The following CEP164 variants were observed in gnomAD, a reference collection of about 807,000 sequenced individuals.
CEP164 encodes centrosomal protein of 164 kDa.
In CEP164, 162 loss-of-function variants were observed where a neutral mutation model predicts 182.7. That is an observed-to-expected ratio of 0.89 (90% CI 0.78 to 1.01). The LOEUF (loss-of-function observed/expected upper bound fraction) is 1.01. CEP164 is among the 50% of genes least tolerant of loss of function. The pLI is 0.00. For synonymous variants in CEP164, 661 were observed against 690.0 expected, an observed-to-expected ratio of 0.96 and a Z score of 0.66; for missense variants, 1,735 against 1,790.4, an observed-to-expected ratio of 0.97 and a Z score of 0.56.
At chr11:117,355,911 C>A in intron 5 of CEP164, 1 of 1,047,760 alleles carries the variant, frequency 9.5e-7, no homozygotes, top group South Asian at 3.2e-5. Context: ...CCCGAGGAGC[C>A]TCCTGCCAGT....
chr11:117,374,534 G>A (rs917025532), intron 10 of CEP164, among the ~76,000 whole-genome samples: 3 of 152,300 alleles, frequency 2.0e-5, no homozygotes, highest in African/African-American at 7.2e-5. Flanking sequence ...GAAGCTGTGT[G>A]TGCTCGCCTC....
At chr11:117,396,006 C>A (rs693181) in intron 24 of CEP164, 48 bp from the exon 25 acceptor site, 33 of 1,611,702 alleles carry the variant, frequency 2.0e-5, no homozygotes, top group East Asian at 8.9e-5. Context: ...ACCCCTCCCC[C>A]CCATCGCCAG....
In CEP164 at chr11:117,373,777, G is replaced by A; in HGVS notation, c.1179G>A (p.Lys393=). The change falls in exon 10 of 33, where the codon AAG becomes AAA. Residue 393 remains lysine (K), a synonymous_variant. Transcript: ENST00000278935. Reference sequence around the variant, plus strand: ...AACTGGAAATTAGTGAACACATGAAGGAACCACAGCTCTCAGACTCCATAG... The same window carrying A: ...AACTGGAAATTAGTGAACACATGAAAGAACCACAGCTCTCAGACTCCATAG... ...SQELEISEHM[K]EPQLSDSIAS... 1 of 1,614,150 alleles carries A rather than the reference G, an allele frequency of 6.2e-7. No individual in the cohort carries two copies. Among genetic ancestry groups the A allele is most frequent in the Non-Finnish European group, 8.5e-7 (1 of 1,180,000 alleles).
In CEP164 at chr11:117,381,777, C is replaced by T. The variant is rs777152676; in HGVS notation, c.1486C>T (p.Gln496Ter). The T allele has an allele frequency of 3.8e-6, 6 of 1,596,726 alleles. No individual in the cohort carries two copies. The East Asian group carries it at 9.1e-5, about 24-fold the overall frequency. ...RSLATEEEPP[Q>*]GPEGQPEWKE... ...CCTGGCCACTGAAGAAGAGCCTCCCCAGGGCCCCGAGGGGCAGCCCGAGTG... is the reference window on the plus strand; with the variant it reads ...CCTGGCCACTGAAGAAGAGCCTCCCTAGGGCCCCGAGGGGCAGCCCGAGTG... The change falls in exon 13 of 33, where the codon CAG becomes TAG. Residue 496 changes from glutamine to a stop codon, truncating the protein, a stop_gained. Coordinates refer to ENST00000278935, the MANE Select transcript of CEP164 (RefSeq NM_014956.5). LOFTEE classifies it high-confidence loss of function.
At chr11:117,325,898 G>A (rs1290680051), upstream of CEP164, among the ~76,000 whole-genome samples, 2 of 147,074 alleles carry the variant, frequency 1.4e-5, no homozygotes, top group African/African-American at 5.0e-5. Flanking sequence ...GGCTGGGCAA[G>A]TAGGACCTTT....
intron 3 of CEP164, among the ~76,000 whole-genome samples, chr11:117,341,310 A>G (rs1592019525): frequency 1.3e-5 from 2 of 152,176 alleles, no homozygotes; most frequent in Non-Finnish European, 2.9e-5. Flanking sequence ...CTTACTGTTT[A>G]TAAAGCAGAT....
At chr11:117,410,394 A>T in intron 30 of CEP164, 1 of 289,076 alleles carries the variant, frequency 3.5e-6, no homozygotes, top group South Asian at 4.3e-5. Flanking sequence ...CCCATTTTAC[A>T]GATGAGGAAA....
At chr11:117,338,347 TGTTCATCAA>T (rs2037535102) in intron 2 of CEP164, among the ~76,000 whole-genome samples, 1 of 152,232 alleles carries the variant, frequency 6.6e-6, no homozygotes, top group African/African-American at 2.4e-5. Flanking sequence ...GTTCACCAGG[TGTTCATCAA>T]GCCTTTGGGA....
intron 2 of CEP164, chr11:117,336,516 G>A (rs2037143894): frequency 8.5e-6 from 13 of 1,533,630 alleles, no homozygotes; most frequent in Non-Finnish European, 1.2e-5. Context: ...GAGGACAGGG[G>A]CCTGGGGGAA....
At chr11:117,407,865 G>A (rs2046889125) in intron 27 of CEP164, 60 bp from the exon 28 acceptor site, 2 of 1,279,604 alleles carry the variant, frequency 1.6e-6, no homozygotes, top group South Asian at 2.6e-5. Context: ...AAATGGCAGG[G>A]TTGGGACTCC....
At chr11:117,395,372 G>T (rs1052240663) in intron 23 of CEP164, among the ~76,000 whole-genome samples, 175 bp from the exon 24 acceptor site, 3 of 152,198 alleles carry the variant, frequency 2.0e-5, no homozygotes, top group Non-Finnish European at 4.4e-5. Flanking sequence ...AAGGGAGTGG[G>T]ACTGTGGTAG....
At chr11:117,399,858 T>TTA (rs1788230085) in intron 27 of CEP164, among the ~76,000 whole-genome samples, 2 of 152,224 alleles carry the variant, frequency 1.3e-5, no homozygotes, top group African/African-American at 4.8e-5. Context: ...GTAAATTTGT[T>TTA]TAAGTTCTTT....
intron 8 of CEP164, among the ~76,000 whole-genome samples, chr11:117,365,744 T>C (rs1486003970): frequency 1.3e-5 from 2 of 152,120 alleles, no homozygotes; most frequent in African/African-American, 4.8e-5. Flanking sequence ...CATGCCTGGC[T>C]AATTTTTGTA....
At position 117,394,332 on chromosome 11, in the gene CEP164, G is replaced by A. The variant is rs199987090; in HGVS notation, c.2617-18G>A. The A allele has an allele frequency of 4.4e-4, 691 of 1,580,632 alleles. No individual in the cohort carries two copies. The Middle Eastern group carries it at 0.012, about 28-fold the overall frequency. The stretch of plus-strand genomic sequence containing the variant: ...GGGCTGCCGCAGCTTCCCACCGGTG[G>A]GCCCACCCTCCTTGCAGGAGAGGAA... On this transcript the variant is annotated intron_variant, in intron 20 of 32. Coordinates refer to ENST00000278935, the MANE Select transcript of CEP164 (RefSeq NM_014956.5). The surrounding 1 kb of genome is among the most constrained non-coding windows in gnomAD (Gnocchi z 4.0).
chr11:117,376,848 G>C (rs1042319208), intron 11 of CEP164, among the ~76,000 whole-genome samples: 2 of 152,200 alleles, frequency 1.3e-5, no homozygotes, highest in Non-Finnish European at 1.5e-5. Context: ...TGGAGCAGGC[G>C]AATTGTGAGG....
chr11:117,329,674 T>C (rs2035881993), intron 1 of CEP164, among the ~76,000 whole-genome samples: 1 of 152,072 alleles, frequency 6.6e-6, no homozygotes, highest in Admixed American at 6.6e-5. Context: ...CCCGAGTAGC[T>C]GGGACTACAG....
At chr11:117,373,270 G>A in intron 9 of CEP164, among the ~76,000 whole-genome samples, 1 of 152,056 alleles carries the variant, frequency 6.6e-6, no homozygotes, top group East Asian at 1.9e-4. Flanking sequence ...GGGAGGCTGA[G>A]GCAGGAGAAT....
chr11:117,366,647 T>A (rs1011537129), intron 8 of CEP164, among the ~76,000 whole-genome samples: 5 of 152,168 alleles, frequency 3.3e-5, no homozygotes, highest in African/African-American at 1.2e-4. Flanking sequence ...TGGAAAGTGC[T>A]AACAACACTG....
At chr11:117,376,566 G>T (rs2042763769) in intron 11 of CEP164, among the ~76,000 whole-genome samples, 1 of 152,204 alleles carries the variant, frequency 6.6e-6, no homozygotes, top group Non-Finnish European at 1.5e-5. Context: ...AATTTGTTGG[G>T]TGAAACAAAC....
Sources: allele counts gnomAD v4.1 joint callset (sites outside exome capture counted in the v4.1 genomes callset), GRCh38; gene constraint gnomAD v4.1.1; non-coding constraint Gnocchi (gnomAD v3.1); transcripts MANE v1.5; gene names NCBI Gene and HGNC (gene_info 2026-07-23, HGNC 2026-07-21).